Variants in MTCL1 observed in about 807,000 individuals in gnomAD.
MTCL1 encodes microtubule cross-linking factor 1.
Under a neutral mutation model 141.4 loss-of-function variants are expected in MTCL1, and 79 were observed. The observed-to-expected ratio is 0.56, with a 90% CI of 0.47 to 0.67. The LOEUF is 0.67. MTCL1 is among the 30% of genes least tolerant of loss of function. MTCL1 has a pLI of 0.00. For synonymous variants in MTCL1, 914 were observed against 875.8 expected (o/e 1.04, Z -0.77); for missense variants, 2,177 against 2,113.9 (o/e 1.03, Z -0.59).
exon 13 of MTCL1, chr18:8,819,102 C>G: frequency 6.2e-7 from 1 of 1,614,258 alleles, no homozygotes; most frequent in Non-Finnish European, 8.5e-7. Flanking sequence ...GATGCTGACT[C>G]CATCCCGTTT....
At chr18:8,746,163 A>G (rs1199476514) in intron 4 of MTCL1, among the ~76,000 whole-genome samples, 1 of 152,178 alleles carries the variant, frequency 6.6e-6, no homozygotes, top group Admixed American at 6.5e-5. Context: ...GGTTGCCCTC[A>G]CCTATGTCTG....
intron 7 of MTCL1, among the ~76,000 whole-genome samples, chr18:8,788,791 A>G (rs993377938): frequency 3.3e-5 from 5 of 152,166 alleles, no homozygotes; most frequent in African/African-American, 1.2e-4. Flanking sequence ...GTCAGAACCC[A>G]CGGACACCCA....
intron 12 of MTCL1, among the ~76,000 whole-genome samples, chr18:8,815,826 A>G (rs985676779): frequency 3.9e-5 from 6 of 152,098 alleles, no homozygotes; most frequent in Non-Finnish European, 8.8e-5. Flanking sequence ...ATCTTTGAGC[A>G]TCATAGATCT....
exon 17 of MTCL1, chr18:8,831,612 A>G: frequency 1.9e-6 from 3 of 1,550,436 alleles, no homozygotes; most frequent in Non-Finnish European, 2.6e-6. Context: ...TGAAGGAACT[A>G]CCTTGTTCTG....
intron 4 of MTCL1, among the ~76,000 whole-genome samples, chr18:8,723,326 C>T (rs936306024): frequency 2.0e-4 from 30 of 152,088 alleles, no homozygotes; most frequent in African/African-American, 6.5e-4. Flanking sequence ...TTGCAAAAGC[C>T]AGTACAAACA....
At chr18:8,814,837 C>G (rs1470240821) in intron 12 of MTCL1, among the ~76,000 whole-genome samples, 1 of 152,196 alleles carries the variant, frequency 6.6e-6, no homozygotes, top group Non-Finnish European at 1.5e-5. Flanking sequence ...TGGGAAGTCA[C>G]ACCTTGGATA....
intron 3 of MTCL1, 184 bp from the exon 3 acceptor site, chr18:8,720,154 T>A: frequency 1.7e-6 from 1 of 587,974 alleles, no homozygotes; most frequent in Non-Finnish European, 2.9e-6. Flanking sequence ...TTAGCCCAGA[T>A]GTTGATTTCA....
intron 8 of MTCL1, among the ~76,000 whole-genome samples, chr18:8,795,214 C>G (rs1245126804): frequency 6.6e-6 from 1 of 152,210 alleles, no homozygotes. Flanking sequence ...GCACATTGGC[C>G]TCGGGCAGCT....
chr18:8,767,771 TAATC>T (rs2096466171), intron 4 of MTCL1, among the ~76,000 whole-genome samples: 1 of 151,972 alleles, frequency 6.6e-6, no homozygotes, highest in Non-Finnish European at 1.5e-5. Flanking sequence ...AAAAAAAAAT[TAATC>T]TTGACTATTT....
chr18:8,770,179 CCCATCT>C (rs1278982819), intron 4 of MTCL1, among the ~76,000 whole-genome samples: 9 of 152,152 alleles, frequency 5.9e-5, no homozygotes, highest in African/African-American at 2.2e-4. Context: ...AGGTTGGTGG[CCCATCT>C]CCAAGTTTAG....
intron 14 of MTCL1, 109 bp downstream of exon 13, chr18:8,821,607 A>G (rs2076848718): frequency 1.8e-6 from 1 of 549,408 alleles, no homozygotes; most frequent in Non-Finnish European, 3.2e-6. Context: ...AAATGACTTA[A>G]AATTATGCCA....
intron 10 of MTCL1, 100 bp downstream of exon 9, chr18:8,798,391 T>A: frequency 9.4e-7 from 1 of 1,058,836 alleles, no homozygotes; most frequent in Non-Finnish European, 1.3e-6. Flanking sequence ...GGCATTCAGG[T>A]AGCAGAAAAT....
intron 4 of MTCL1, among the ~76,000 whole-genome samples, chr18:8,746,887 G>T (rs1196546386): frequency 1.3e-5 from 2 of 152,176 alleles, no homozygotes; most frequent in Admixed American, 6.5e-5. Context: ...TGGTAGGAGT[G>T]GGGGCAGTTC....
intron 4 of MTCL1, among the ~76,000 whole-genome samples, chr18:8,723,356 G>T (rs114240415): frequency 0.017 from 2,650 of 152,288 alleles, 75 homozygotes; most frequent in African/African-American, 0.061. Flanking sequence ...TTGCTCTGGG[G>T]TGAGGATAAT....
chr18:8,709,935 A>T (rs989917427), intron 1 of MTCL1, among the ~76,000 whole-genome samples: 1 of 151,928 alleles, frequency 6.6e-6, no homozygotes, highest in Non-Finnish European at 1.5e-5. Flanking sequence ...CGCCTCCCAG[A>T]TTCAAGCAGT....
chr18:8,706,243 G>T, exon 1 of MTCL1: 1 of 1,228,380 alleles, frequency 8.1e-7, no homozygotes, highest in East Asian at 3.2e-5. Flanking sequence ...CTCGGTGGCC[G>T]GGTCCCCGGC....
chr18:8,748,437 G>A (rs1171022262), intron 4 of MTCL1, among the ~76,000 whole-genome samples: 1 of 152,104 alleles, frequency 6.6e-6, no homozygotes, highest in Non-Finnish European at 1.5e-5. Flanking sequence ...CAGCTACTTG[G>A]GAGGCTGAGA....
intron 12 of MTCL1, among the ~76,000 whole-genome samples, chr18:8,816,081 G>A (rs752770444): frequency 7.2e-5 from 11 of 152,198 alleles, no homozygotes; most frequent in Admixed American, 4.6e-4. Flanking sequence ...GCAATTATAG[G>A]CATTCACCAG....
chr18:8,772,942 A>G (rs2096490849), intron 4 of MTCL1, among the ~76,000 whole-genome samples: 1 of 152,128 alleles, frequency 6.6e-6, no homozygotes, highest in Non-Finnish European at 1.5e-5. Context: ...ATAAGAAAGA[A>G]AGGTAACTGT....
Sources: allele counts gnomAD v4.1 joint callset (sites outside exome capture counted in the v4.1 genomes callset), GRCh38; gene constraint gnomAD v4.1.1; transcripts MANE v1.5; gene names NCBI Gene and HGNC (gene_info 2026-07-23, HGNC 2026-07-21).